ITGA9: variants seen among roughly 807,000 people sequenced by gnomAD.
ITGA9 encodes the protein integrin alpha-9.
A neutral mutation model predicts 127.8 loss-of-function variants in ITGA9; 56 were observed. That is an observed-to-expected ratio of 0.44 (90% CI 0.35 to 0.55). The LOEUF (loss-of-function observed/expected upper bound fraction) is 0.55, where lower values mean the gene tolerates loss of function less well. ITGA9 is among the 20% of genes least tolerant of loss of function. The probability of loss-of-function intolerance (pLI) is 0.00; values close to 1 mark genes in which losing one functional copy is unlikely to be tolerated. For missense variants in ITGA9, 1,196 were observed against 1,347.1 expected (o/e 0.89, Z 1.76); for synonymous variants, 508 against 514.5 (o/e 0.99, Z 0.17).
At chr3:37,480,556 C>T (rs1017979026) in intron 3 of ITGA9, among the ~76,000 whole-genome samples, 4 of 152,170 alleles carry the variant, frequency 2.6e-5, no homozygotes, top group African/African-American at 9.7e-5. Flanking sequence ...CTTGCTAGGG[C>T]CTTGGTGACA....
chr3:37,512,029 T>C (rs1698918162), intron 8 of ITGA9, among the ~76,000 whole-genome samples: 2 of 30,962 alleles, frequency 6.5e-5, no homozygotes, highest in Non-Finnish European at 1.3e-4. Context: ...TTTTCTTTTC[T>C]TTCTTTCTTT....
rs796248237 is a variant in ITGA9, at chr3:37,595,086, G to GTTGTTT, written c.1690-34080_1690-34075dup. On this transcript the variant is annotated intron_variant, in intron 15 of 27. Transcript: ENST00000264741. ...CCTGGAAGATCCGCTTCCTTGTTTT[G>GTTGTTT]TTGTTTTTGTTTTTGTTTTTGTTTT... Among the ~76,000 whole-genome samples, 1,106 of 152,044 alleles carry GTTGTTT rather than the reference G, an allele frequency of 7.3e-3. 16 individuals are homozygous for GTTGTTT. Among genetic ancestry groups the GTTGTTT allele is most frequent in the African/African-American group, 0.024 (1,000 of 41,436 alleles).
At chr3:37,509,920 T>A (rs1287617163) in intron 8 of ITGA9, among the ~76,000 whole-genome samples, 1 of 152,120 alleles carries the variant, frequency 6.6e-6, no homozygotes, top group Non-Finnish European at 1.5e-5. Context: ...ACATTTTAGA[T>A]CTTCTGCAGA....
chr3:37,721,256 C>T (rs1701187567), intron 18 of ITGA9, among the ~76,000 whole-genome samples: 1 of 151,806 alleles, frequency 6.6e-6, no homozygotes. Context: ...GTAGCTGGGA[C>T]CACAGGTGTG....
chr3:37,646,165 C>T (rs1185542225), intron 16 of ITGA9, among the ~76,000 whole-genome samples: 1 of 152,186 alleles, frequency 6.6e-6, no homozygotes, highest in Non-Finnish European at 1.5e-5. Flanking sequence ...CCAAATCCAC[C>T]ACTGCCTGTT....
chr3:37,566,037 C>G (rs1458210819), intron 15 of ITGA9, among the ~76,000 whole-genome samples: 1 of 152,200 alleles, frequency 6.6e-6, no homozygotes, highest in Admixed American at 6.5e-5. Flanking sequence ...GACCCTGGCT[C>G]CTATTGTCTC....
At chr3:37,763,593 T>C (rs1696746511) in intron 23 of ITGA9, among the ~76,000 whole-genome samples, 1 of 152,206 alleles carries the variant, frequency 6.6e-6, no homozygotes, top group Non-Finnish European at 1.5e-5. Context: ...TGACACTGAT[T>C]TTTAAAGCCT....
At chr3:37,665,817 G>A (rs1420594926) in intron 17 of ITGA9, among the ~76,000 whole-genome samples, 2 of 152,170 alleles carry the variant, frequency 1.3e-5, no homozygotes, top group South Asian at 2.1e-4. Context: ...CACGCATCAA[G>A]GATGAATGGA....
intron 18 of ITGA9, among the ~76,000 whole-genome samples, chr3:37,688,822 G>A (rs1292756203): frequency 1.3e-5 from 2 of 152,170 alleles, no homozygotes; most frequent in Non-Finnish European, 2.9e-5. Context: ...ATGGATGGAT[G>A]GGTGGGTGGG....
chr3:37,494,132 C>T (rs1698700994), intron 4 of ITGA9, among the ~76,000 whole-genome samples: 1 of 152,184 alleles, frequency 6.6e-6, no homozygotes, highest in African/African-American at 2.4e-5. Flanking sequence ...CCACATCATT[C>T]CATTTCTGGG....
At chr3:37,639,234 T>C (rs1387745878) in intron 16 of ITGA9, among the ~76,000 whole-genome samples, 1 of 152,212 alleles carries the variant, frequency 6.6e-6, no homozygotes, top group African/African-American at 2.4e-5. Flanking sequence ...TTTAAAAGAC[T>C]ATAAAGCTGG....
At position 37,743,907 on chromosome 3, in the gene ITGA9, T is replaced by A. The variant is rs763953890; in HGVS notation, c.2325-19T>A. 5.1e-6 allele frequency: 8 copies of A among 1,564,786 alleles called. No homozygotes were observed. The highest frequency in any genetic ancestry group is 4.1e-5 in the African/African-American group (3 of 73,886). ...TGACTGTGGGTGGGGATGACAGATT[T>A]CATGCTTTCCTCTTTCAGAATCATG... On this transcript the variant is annotated intron_variant, in intron 21 of 27. Coordinates refer to ENST00000264741, the MANE Select transcript of ITGA9 (RefSeq NM_002207.3).
chr3:37,513,274 A>G (rs1698951560), intron 8 of ITGA9, among the ~76,000 whole-genome samples: 1 of 152,140 alleles, frequency 6.6e-6, no homozygotes, highest in South Asian at 2.1e-4. Flanking sequence ...TCCCCTTGAT[A>G]GGACTCCAGG....
intron 27 of ITGA9, among the ~76,000 whole-genome samples, chr3:37,810,618 A>G (rs918374046): frequency 6.6e-6 from 1 of 151,968 alleles, no homozygotes; most frequent in Admixed American, 6.6e-5. Flanking sequence ...GTTTCACCAT[A>G]TTGGCCAGGC....
chr3:37,506,203 G>A (rs1698842375), intron 7 of ITGA9, 118 bp downstream of exon 7: 2 of 810,354 alleles, frequency 2.5e-6, no homozygotes, highest in Non-Finnish European at 2.1e-6. Context: ...TGGCTGGTGG[G>A]GAGGTGATGA....
At position 37,614,261 on chromosome 3, in the gene ITGA9, G is replaced by GATCA. The variant is rs1453128909; in HGVS notation, c.1690-14925_1690-14922dup. Among the ~76,000 whole-genome samples, 3 of 152,242 alleles carry GATCA rather than the reference G, an allele frequency of 2.0e-5. No homozygotes were observed. In the East Asian group the frequency reaches 5.8e-4, roughly 29 times the overall value. On this transcript the variant is annotated intron_variant, in intron 15 of 27. Coordinates refer to ENST00000264741, the MANE Select transcript of ITGA9 (RefSeq NM_002207.3). ...GCTTGTTTTCGTCAGGTTTGTCAAA[G>GATCA]ATCAGATAGTTGTAGATATGCGGCA...
chr3:37,549,280 G>A (rs1294097113), intron 15 of ITGA9, among the ~76,000 whole-genome samples: 2 of 152,220 alleles, frequency 1.3e-5, no homozygotes, highest in Non-Finnish European at 1.5e-5. Context: ...TTAATCTTCT[G>A]CATTTGGACA....
chr3:37,651,619 A>G (rs1056566853), intron 16 of ITGA9, among the ~76,000 whole-genome samples: 11 of 152,190 alleles, frequency 7.2e-5, no homozygotes, highest in Non-Finnish European at 1.5e-4. Flanking sequence ...TAATGATAAA[A>G]TTGATTAGTT....
At chr3:37,731,249 G>A (rs1258513036) in intron 18 of ITGA9, among the ~76,000 whole-genome samples, 3 of 152,014 alleles carry the variant, frequency 2.0e-5, no homozygotes, top group Admixed American at 6.6e-5. Context: ...ACGGAGTCTC[G>A]CACTCTCGCC....
Sources: gnomAD v4.1 joint callset for allele counts (sites outside exome capture counted in the v4.1 genomes callset) on GRCh38, gnomAD v4.1.1 for gene constraint, MANE v1.5 for transcripts, NCBI Gene and HGNC (gene_info 2026-07-23, HGNC 2026-07-21) for gene names.